ANKRD28: variants seen among roughly 807,000 people sequenced by gnomAD.
The protein encoded by ANKRD28 is ankyrin repeat domain 28, also known as serine/threonine-protein phosphatase 6 regulatory ankyrin repeat subunit A.
Under a neutral mutation model 126.5 loss-of-function variants are expected in ANKRD28, and 44 were observed. The observed-to-expected ratio is 0.35, with a 90% CI of 0.27 to 0.45. The LOEUF is 0.45. Among genes scored for constraint, ANKRD28 ranks in the 20% least tolerant of loss-of-function variants. The pLI is 1.00. For synonymous variants in ANKRD28, 442 were observed against 468.5 expected, an observed-to-expected ratio of 0.94 and a Z score of 0.73; for missense variants, 1,110 against 1,316.6, an observed-to-expected ratio of 0.84 and a Z score of 2.43.
chr3:15,738,632 A>C (rs1258364461), intron 4 of ANKRD28: 2 of 152,180 alleles, frequency 1.3e-5, no homozygotes, highest in Non-Finnish European at 2.9e-5. Context: ...TGTCCGCACT[A>C]AGTTCGGCAT....
chr3:15,798,056 G>A, upstream of ANKRD28: 2 of 985,318 alleles, frequency 2.0e-6, no homozygotes, highest in Middle Eastern at 5.2e-4. Context: ...CAATTAGAAG[G>A]TTCATGCCAG....
In ANKRD28 at chr3:15,780,905, T is replaced by C. The variant is rs1172624678; in HGVS notation, c.201+14318A>G. 2.0e-5 allele frequency among the ~76,000 whole-genome samples: 3 copies of C among 152,112 alleles called. No individual in the cohort carries two copies. The East Asian group carries it at 5.8e-4, about 29-fold the overall frequency. On this transcript the variant is annotated intron_variant, in intron 2 of 27. Transcript: ENST00000683139. ...GAAACTGGATCCTTATCTCATACCA[T>C]ATATAAAAATCAGCTCAAAATACAT...
intron 2 of ANKRD28, among the ~76,000 whole-genome samples, chr3:15,775,755 T>C (rs2059234116): frequency 6.6e-6 from 1 of 152,214 alleles, no homozygotes; most frequent in Admixed American, 6.5e-5. Context: ...ATTCCCTCTC[T>C]GGGTGCACCA....
At chr3:15,772,028 G>C in intron 2 of ANKRD28, among the ~76,000 whole-genome samples, 1 of 152,072 alleles carries the variant, frequency 6.6e-6, no homozygotes, top group Non-Finnish European at 1.5e-5. Context: ...AAAGTATTTT[G>C]AATGGAATGA....
At chr3:15,670,817 A>G (rs1219046810) in intron 27 of ANKRD28, among the ~76,000 whole-genome samples, 1 of 152,258 alleles carries the variant, frequency 6.6e-6, no homozygotes, top group Non-Finnish European at 1.5e-5. Flanking sequence ...AAGGTCTCAC[A>G]ACTTATCCGT....
At chr3:15,714,501 T>A (rs201055387) in intron 9 of ANKRD28, 77 bp downstream of exon 9, 3 of 1,038,422 alleles carry the variant, frequency 2.9e-6, no homozygotes, top group Non-Finnish European at 1.4e-6. Flanking sequence ...CTCAATACCA[T>A]TCATTTGGTG....
rs1009426220 is a variant in ANKRD28 at position 15,814,804 on chromosome 3, A to G, written c.28-19498T>C. Among the ~76,000 whole-genome samples, 1 of 151,688 alleles carries G rather than the reference A, an allele frequency of 6.6e-6. No individual in the cohort carries two copies. The highest frequency in any genetic ancestry group is 2.4e-5 in the African/African-American group (1 of 41,380). On this transcript the variant is annotated intron_variant, in intron 1 of 27. Coordinates refer to the ANKRD28 transcript ENST00000399451. The surrounding 1 kb of genome is among the most constrained non-coding windows in gnomAD (Gnocchi z 4.7). Reference sequence around the variant, plus strand: ...CTTTTTGAATATGTAGAACATACTCATTTCAGTAATACATAAATTTAAGAA... The same window carrying G: ...CTTTTTGAATATGTAGAACATACTCGTTTCAGTAATACATAAATTTAAGAA...
rs1434780981 is a variant in ANKRD28 at position 15,675,947 on chromosome 3, A to G, written c.2916T>C (p.Val972=). Residue 972 remains valine (V), a synonymous_variant, in exon 27 of 28, where the codon GTT becomes GTC. Transcript: ENST00000683139. ...VAARNGLTMV[V]QELLGKGASV... is the part of the protein sequence containing the mutation. ...TTGCTCCTTTTCCCAAAAGTTCCTG[A>G]ACCACCATTGTTAGCCCATTTCGGG... 6.2e-7 allele frequency: 1 copy of G among 1,613,186 alleles called. No individual in the cohort carries two copies. The highest frequency in any genetic ancestry group is 2.2e-5 in the East Asian group (1 of 44,862).
rs533499023 is a variant in ANKRD28 at position 15,698,782 on chromosome 3, G to A, written c.1548-2537C>T. 7.0e-4 allele frequency among the ~76,000 whole-genome samples: 106 copies of A among 152,256 alleles called. 1 individual carries two copies. The highest frequency in any genetic ancestry group is 2.5e-3 in the Admixed American group (38 of 15,290). On this transcript the variant is annotated intron_variant, in intron 14 of 27. Coordinates refer to ENST00000683139, the MANE Select transcript of ANKRD28 (RefSeq NM_001349278.2). ...AAGAACATTCCATGCTCATGGACAGGAAGAATCAATATTGTGAAAATGGCC... is the reference window on the plus strand; with the variant it reads ...AAGAACATTCCATGCTCATGGACAGAAAGAATCAATATTGTGAAAATGGCC...
intron 27 of ANKRD28, among the ~76,000 whole-genome samples, chr3:15,674,174 C>CAAAAAAAAAAAAAAAAAA (rs34806568): frequency 2.5e-5 from 1 of 40,284 alleles, no homozygotes; most frequent in Non-Finnish European, 4.1e-5. Context: ...CCTGCCTCTT[C>CAAAAAAAAAAAAAAAAAA]AAAAAAAAAA....
chr3:15,715,279 C>A (rs546475269), intron 8 of ANKRD28, among the ~76,000 whole-genome samples: 12 of 152,244 alleles, frequency 7.9e-5, no homozygotes, highest in Non-Finnish European at 1.3e-4. Context: ...CCAAAACATA[C>A]ATGTTACCAA....
At position 15,853,299 on chromosome 3, in the gene ANKRD28, T is replaced by C. The variant is rs2061692028; in HGVS notation, c.27+6078A>G. Among the ~76,000 whole-genome samples the C allele has an allele frequency of 1.3e-5, 2 of 152,138 alleles. No homozygotes were observed. The highest frequency in any genetic ancestry group is 4.1e-4 in the South Asian group (2 of 4,834). ...TATTTCCTCCAGGTACAGGGTATTT[T>C]CCATGGGCATCTCACCCCAGTCCAG... On this transcript the variant is annotated intron_variant, in intron 1 of 27. Coordinates refer to the ANKRD28 transcript ENST00000399451. This position sits in a 1 kb window ranked among gnomAD's most constrained non-coding sequence, Gnocchi z 4.2.
intron 27 of ANKRD28, among the ~76,000 whole-genome samples, chr3:15,674,378 A>C (rs1316648742): frequency 1.1e-5 from 1 of 89,530 alleles, no homozygotes; most frequent in African/African-American, 4.5e-5. Flanking sequence ...GGATGACTCT[A>C]GGGGTTTTGC....
At chr3:15,779,775 G>A (rs2059459256) in intron 2 of ANKRD28, among the ~76,000 whole-genome samples, 1 of 152,134 alleles carries the variant, frequency 6.6e-6, no homozygotes, top group Admixed American at 6.5e-5. Context: ...TTGTAATCTA[G>A]ACACTGCTCT....
At chr3:15,722,686 C>A (rs1265055024) in intron 7 of ANKRD28, among the ~76,000 whole-genome samples, 1 of 152,126 alleles carries the variant, frequency 6.6e-6, no homozygotes, top group African/African-American at 2.4e-5. Flanking sequence ...TTAACATTTT[C>A]TTTTCTGGGA....
rs2060864385 is a variant in ANKRD28 at position 15,817,861 on chromosome 3, A to G, written c.28-22555T>C. Among the ~76,000 whole-genome samples, 1 of 152,162 alleles carries G rather than the reference A, an allele frequency of 6.6e-6. No homozygotes were observed. The highest frequency in any genetic ancestry group is 1.5e-5 in the Non-Finnish European group (1 of 68,028). On this transcript the variant is annotated intron_variant, in intron 1 of 27. Coordinates refer to the ANKRD28 transcript ENST00000399451. This position sits in a 1 kb window ranked among gnomAD's most constrained non-coding sequence, Gnocchi z 4.5. ...AGTGCTTGCATTCACAGACAACATG[A>G]TTGTCTTTATAGAAGATTCCATGGA...
upstream of ANKRD28, among the ~76,000 whole-genome samples, chr3:15,801,354 T>C (rs752391653): frequency 5.9e-5 from 9 of 152,168 alleles, no homozygotes; most frequent in Non-Finnish European, 5.9e-5. The surrounding 1 kb of genome is among the most constrained non-coding windows in gnomAD (Gnocchi z 4.9). Context: ...TTTTCCTTTC[T>C]GCAACAAGAT....
At chr3:15,757,083 T>C (rs568666476) in intron 3 of ANKRD28, among the ~76,000 whole-genome samples, 1 of 152,344 alleles carries the variant, frequency 6.6e-6, no homozygotes, top group South Asian at 2.1e-4. Flanking sequence ...ATGTTTATGA[T>C]GATCTGCGTC....
intron 27 of ANKRD28, among the ~76,000 whole-genome samples, chr3:15,671,943 C>G (rs1040366529): frequency 6.6e-6 from 1 of 152,058 alleles, no homozygotes; most frequent in Admixed American, 6.6e-5. Context: ...TGTATTATTT[C>G]ATATCTGGCA....
Sources: gnomAD v4.1 joint callset for allele counts (sites outside exome capture counted in the v4.1 genomes callset) on GRCh38, gnomAD v4.1.1 for gene constraint, Gnocchi (gnomAD v3.1) non-coding constraint, MANE v1.5 for transcripts, NCBI Gene and HGNC (gene_info 2026-07-23, HGNC 2026-07-21) for gene names.